Variants in NPAS3 observed in about 807,000 individuals in gnomAD.
The protein encoded by NPAS3 is neuronal PAS domain-containing protein 3.
Under a neutral mutation model 73.1 loss-of-function variants are expected in NPAS3, and 14 were observed. The observed-to-expected ratio is 0.19, with a 90% CI of 0.13 to 0.30. NPAS3 has a LOEUF of 0.30. Among genes scored for constraint, NPAS3 ranks in the 10% least tolerant of loss-of-function variants. The probability of loss-of-function intolerance (pLI) is 1.00; values close to 1 mark genes in which losing one functional copy is unlikely to be tolerated. For synonymous variants in NPAS3, 620 were observed against 541.5 expected, an observed-to-expected ratio of 1.14 and a Z score of -2.01; for missense variants, 1,096 against 1,250.0, an observed-to-expected ratio of 0.88 and a Z score of 1.86.
intron 7 of NPAS3, 109 bp downstream of exon 7, chr14:33,735,441 G>A: frequency 1.3e-6 from 1 of 775,594 alleles, no homozygotes. Flanking sequence ...ATGTGATCTT[G>A]AGGAGCCCAT....
intron 3 of NPAS3, among the ~76,000 whole-genome samples, chr14:33,355,322 A>G (rs1287311221): frequency 6.6e-6 from 1 of 151,942 alleles, no homozygotes; most frequent in African/African-American, 2.4e-5. Flanking sequence ...TTTTTTTGAG[A>G]TGGAGTCTTG....
chr14:33,707,224 G>A (rs2060680654), intron 6 of NPAS3, among the ~76,000 whole-genome samples: 2 of 152,156 alleles, frequency 1.3e-5, no homozygotes, highest in African/African-American at 4.8e-5. Flanking sequence ...CTGTTGAGCT[G>A]CAAAACAAAA....
chr14:33,430,206 G>C (rs1244300504), intron 4 of NPAS3, among the ~76,000 whole-genome samples: 1 of 152,148 alleles, frequency 6.6e-6, no homozygotes, highest in African/African-American at 2.4e-5. Context: ...ATAGGACAAA[G>C]AGCAGACCCA....
chr14:33,592,739 A>G (rs901212281), intron 5 of NPAS3, among the ~76,000 whole-genome samples: 1 of 152,226 alleles, frequency 6.6e-6, no homozygotes, highest in Non-Finnish European at 1.5e-5. Context: ...TATTGTTTTG[A>G]TGGAAATGTA....
intron 1 of NPAS3, among the ~76,000 whole-genome samples, chr14:32,950,319 A>AT (rs1470307094): frequency 6.6e-6 from 1 of 152,096 alleles, no homozygotes; most frequent in African/African-American, 2.4e-5. Context: ...GTTCAAAAGC[A>AT]TTTTCAAAGC....
intron 4 of NPAS3, among the ~76,000 whole-genome samples, chr14:33,514,534 A>G (rs942289357): frequency 6.6e-6 from 1 of 152,080 alleles, no homozygotes; most frequent in African/African-American, 2.4e-5. Flanking sequence ...GTTGATGAGG[A>G]AGCAAAATCT....
At chr14:33,552,240 C>T (rs566764996) in intron 4 of NPAS3, among the ~76,000 whole-genome samples, 12 of 152,270 alleles carry the variant, frequency 7.9e-5, no homozygotes, top group African/African-American at 2.2e-4. Flanking sequence ...ACAGCTATAT[C>T]GAGGTGTGAA....
At chr14:33,660,092 G>T (rs1180095458) in intron 5 of NPAS3, among the ~76,000 whole-genome samples, 1 of 152,082 alleles carries the variant, frequency 6.6e-6, no homozygotes, top group African/African-American at 2.4e-5. Flanking sequence ...CTAGCCTGAG[G>T]TCTAGAATGA....
intron 5 of NPAS3, among the ~76,000 whole-genome samples, chr14:33,566,601 A>G (rs2055956879): frequency 6.6e-6 from 1 of 152,098 alleles, no homozygotes; most frequent in Non-Finnish European, 1.5e-5. Context: ...GTGATCATCT[A>G]TATTGGCAGG....
intron 4 of NPAS3, among the ~76,000 whole-genome samples, chr14:33,555,500 C>A (rs2139720749): frequency 6.6e-6 from 1 of 152,194 alleles, no homozygotes; most frequent in African/African-American, 2.4e-5. Flanking sequence ...TATATAATAG[C>A]TTTCTTGATT....
chr14:33,595,928 C>T (rs1489384491), intron 5 of NPAS3, among the ~76,000 whole-genome samples: 1 of 152,092 alleles, frequency 6.6e-6, no homozygotes, highest in Admixed American at 6.5e-5. Context: ...CCTAGGCCTC[C>T]CAAAGTGCTA....
chr14:33,154,069 T>C (rs1273526033), intron 2 of NPAS3, among the ~76,000 whole-genome samples: 2 of 152,174 alleles, frequency 1.3e-5, no homozygotes, highest in African/African-American at 2.4e-5. Flanking sequence ...TATTTAGAGA[T>C]CTCTTTATGG....
intron 3 of NPAS3, among the ~76,000 whole-genome samples, chr14:33,361,424 A>G (rs1278258987): frequency 2.0e-5 from 3 of 152,112 alleles, no homozygotes; most frequent in Non-Finnish European, 4.4e-5. Flanking sequence ...AAACAGATCA[A>G]TTAGACATTG....
At chr14:33,159,790 TGATCCACCTGCCTCGGCCTCC>T (rs2044789992) in intron 2 of NPAS3, among the ~76,000 whole-genome samples, 5 of 152,118 alleles carry the variant, frequency 3.3e-5, no homozygotes, top group Non-Finnish European at 1.5e-5. Context: ...CCTGACCTCG[TGATCCACCTGCCTCGGCCTCC>T]CAAAGTGCTG....
At chr14:33,506,557 T>C (rs1420928648) in intron 4 of NPAS3, among the ~76,000 whole-genome samples, 1 of 152,070 alleles carries the variant, frequency 6.6e-6, no homozygotes, top group South Asian at 2.1e-4. Context: ...AACATCACAG[T>C]CTGACATTTT....
intron 4 of NPAS3, among the ~76,000 whole-genome samples, chr14:33,552,009 T>C (rs2055140380): frequency 6.6e-6 from 1 of 152,248 alleles, no homozygotes; most frequent in South Asian, 2.1e-4. Flanking sequence ...TTTATTCATT[T>C]TCTTAGTCTT....
chr14:33,457,793 T>C (rs994834090), intron 4 of NPAS3, among the ~76,000 whole-genome samples: 10 of 152,162 alleles, frequency 6.6e-5, no homozygotes, highest in African/African-American at 2.4e-4. Flanking sequence ...ACAAGAATTA[T>C]GGGATGGTGC....
At chr14:33,637,448 C>T (rs1021884390) in intron 5 of NPAS3, among the ~76,000 whole-genome samples, 1 of 152,100 alleles carries the variant, frequency 6.6e-6, no homozygotes, top group Non-Finnish European at 1.5e-5. Context: ...TGATGTTGAA[C>T]AGGTGATCAG....
chr14:33,202,511 AC>A (rs1372833180), intron 2 of NPAS3, among the ~76,000 whole-genome samples: 2 of 152,194 alleles, frequency 1.3e-5, no homozygotes, highest in Middle Eastern at 3.2e-3. Flanking sequence ...TTATGAGAGG[AC>A]TAAGCACCTA....
Sources: gnomAD v4.1 joint callset for allele counts (sites outside exome capture counted in the v4.1 genomes callset) on GRCh38, gnomAD v4.1.1 for gene constraint, MANE v1.5 for transcripts, NCBI Gene and HGNC (gene_info 2026-07-23, HGNC 2026-07-21) for gene names.